FNDC3B: variants seen among roughly 807,000 people sequenced by gnomAD.
The protein encoded by FNDC3B is fibronectin type III domain containing 3B, also known as fibronectin type III domain-containing protein 3B.
In FNDC3B, 12 loss-of-function variants were observed where a neutral mutation model predicts 151.5. That is an observed-to-expected ratio of 0.08 (90% CI 0.05 to 0.13). The LOEUF is 0.13. Among genes scored for constraint, FNDC3B ranks in the 10% least tolerant of loss-of-function variants. FNDC3B has a pLI of 1.00. For synonymous variants in FNDC3B, 528 were observed against 549.0 expected (o/e 0.96, Z 0.54); for missense variants, 1,214 against 1,505.3 (o/e 0.81, Z 3.20).
At chr3:172,295,083 G>A (rs181832138) in intron 7 of FNDC3B, among the ~76,000 whole-genome samples, 10 of 152,180 alleles carry the variant, frequency 6.6e-5, no homozygotes, top group Non-Finnish European at 8.8e-5. Context: ...TTTTACTTAC[G>A]TTAAAAAAAA....
chr3:172,152,628 G>C (rs1722290630), intron 3 of FNDC3B, among the ~76,000 whole-genome samples: 1 of 117,826 alleles, frequency 8.5e-6, no homozygotes, highest in African/African-American at 3.3e-5. Flanking sequence ...AGAAGGTTTT[G>C]ACATTGGGGC....
chr3:172,382,787 G>A (rs1283639945), intron 25 of FNDC3B, among the ~76,000 whole-genome samples: 1 of 152,132 alleles, frequency 6.6e-6, no homozygotes, highest in Non-Finnish European at 1.5e-5. Flanking sequence ...TAGATGTGTG[G>A]TGGTATTTCT....
chr3:172,315,810 T>A (rs1401227782), intron 11 of FNDC3B, among the ~76,000 whole-genome samples: 1 of 152,000 alleles, frequency 6.6e-6, no homozygotes, highest in African/African-American at 2.4e-5. Flanking sequence ...GACTAGATGC[T>A]AGATTTTTCA....
chr3:172,255,133 A>T (rs867980281), intron 6 of FNDC3B, among the ~76,000 whole-genome samples: 1 of 151,918 alleles, frequency 6.6e-6, no homozygotes, highest in Non-Finnish European at 1.5e-5. Flanking sequence ...CCTTCCCTTC[A>T]TGCTCCATTC....
At chr3:172,047,666 G>A (rs183381661) in intron 1 of FNDC3B, among the ~76,000 whole-genome samples, 1 of 152,258 alleles carries the variant, frequency 6.6e-6, no homozygotes, top group East Asian at 1.9e-4. Context: ...ATGCTATTAT[G>A]TGAACTACAA....
chr3:172,341,113 C>T lies in FNDC3B; in HGVS notation c.1853C>T (p.Ala618Val), dbSNP rs139658890. Reference protein sequence around the residue: ...LLEITDGNSEANQWEVAYSGS... With the variant: ...LLEITDGNSEVNQWEVAYSGS... Reference sequence around the variant, plus strand: ...GTCATGCATAAGTCTTGTTTTACAGCGAATCAGTGGGAAGTGGCCTACAGT... The same window carrying T: ...GTCATGCATAAGTCTTGTTTTACAGTGAATCAGTGGGAAGTGGCCTACAGT... Residue 618 changes from alanine to valine, a missense_variant and splice_region_variant, in exon 17 of 26, where the codon GCG becomes GTG. Ala to Val is a moderately conservative substitution (Grantham distance 64). Transcript: ENST00000415807. 52 of 1,605,294 alleles carry T rather than the reference C, an allele frequency of 3.2e-5. No homozygotes were observed. The highest frequency in any genetic ancestry group is 4.2e-5 in the Non-Finnish European group (49 of 1,172,092).
At chr3:172,274,078 C>T (rs535310397) in intron 6 of FNDC3B, among the ~76,000 whole-genome samples, 4 of 152,256 alleles carry the variant, frequency 2.6e-5, no homozygotes, top group South Asian at 4.1e-4. Flanking sequence ...CATTTCTATA[C>T]GTGCGGGAGA....
At chr3:172,081,435 A>G (rs924116512) in intron 1 of FNDC3B, among the ~76,000 whole-genome samples, 1 of 151,874 alleles carries the variant, frequency 6.6e-6, no homozygotes, top group Non-Finnish European at 1.5e-5. Context: ...GATTTTCCAT[A>G]TTTGTGCTTT....
At chr3:172,264,423 T>C (rs967349545) in intron 6 of FNDC3B, among the ~76,000 whole-genome samples, 1 of 152,234 alleles carries the variant, frequency 6.6e-6, no homozygotes, top group African/African-American at 2.4e-5. Context: ...AGAACTTGGT[T>C]TTCTGAACTG....
chr3:172,051,737 G>A (rs1323964772), intron 1 of FNDC3B, among the ~76,000 whole-genome samples: 3 of 152,050 alleles, frequency 2.0e-5, no homozygotes, highest in Non-Finnish European at 2.9e-5. Flanking sequence ...CCTCAAAGTA[G>A]GGAACTAATA....
At position 172,216,050 on chromosome 3, in the gene FNDC3B, G is replaced by A. The variant is rs189598670; in HGVS notation, c.188-10821G>A. Among the ~76,000 whole-genome samples the A allele has an allele frequency of 2.4e-3, 357 of 151,262 alleles. 3 individuals carry two copies. The highest frequency in any genetic ancestry group is 8.4e-3 in the African/African-American group (345 of 40,998). Reference sequence around the variant, plus strand: ...CTCTTCACGCTGTGTGAGAAAGTCCGAGGGCGTCTCGGATGCCCTTCATGT... The same window carrying A: ...CTCTTCACGCTGTGTGAGAAAGTCCAAGGGCGTCTCGGATGCCCTTCATGT... On this transcript the variant is annotated intron_variant, in intron 3 of 25. Coordinates refer to ENST00000415807, the MANE Select transcript of FNDC3B (RefSeq NM_022763.4).
intron 16 of FNDC3B, among the ~76,000 whole-genome samples, chr3:172,340,576 G>A (rs1362045372): frequency 6.6e-6 from 1 of 152,050 alleles, no homozygotes; most frequent in Non-Finnish European, 1.5e-5. Context: ...GTGAGCCACC[G>A]CCTGTAATTT....
chr3:172,307,228 A>T (rs1277687315), intron 9 of FNDC3B, 135 bp from the exon 10 acceptor site: 2 of 880,642 alleles, frequency 2.3e-6, no homozygotes, highest in African/African-American at 3.3e-5. Flanking sequence ...AGACCAACAG[A>T]TAAGAGCAAG....
At position 172,330,676 on chromosome 3, in the gene FNDC3B, A is replaced by G. The variant is rs752551356; in HGVS notation, c.1515A>G (p.Glu505=). The change falls in exon 13 of 26, where the codon GAA becomes GAG. Residue 505 remains glutamate (E), a synonymous_variant. Transcript: ENST00000415807. ...WSKPEGCSPE[E]VITYTLEIQE... ...AGCCAGAAGGCTGTTCACCCGAGGA[A>G]GTGATCACCTACACCTTGGAAATTC... 1.2e-6 allele frequency: 2 copies of G among 1,610,052 alleles called. No individual in the cohort carries two copies. The highest frequency in any genetic ancestry group is 2.2e-5 in the East Asian group (1 of 44,786).
At chr3:172,394,638 C>T (rs1378230291) in intron 25 of FNDC3B, among the ~76,000 whole-genome samples, 1 of 152,160 alleles carries the variant, frequency 6.6e-6, no homozygotes, top group Non-Finnish European at 1.5e-5. Context: ...GGCTTCATGG[C>T]TGAACTCTAC....
Position 172,295,452 on chromosome 3 carries a change from C to T in FNDC3B, c.939C>T (p.Pro313=). ...GACCCCACAGTGGTCTTTCCTTCCC[C>T]TACAGTTACGAGGTGGCCTTATCAG... ...SCGPHSGLSF[P]YSYEVALSDK... is the part of the protein sequence containing the mutation. The change falls in exon 8 of 26, where the codon CCC becomes CCT. Residue 313 remains proline (P), a synonymous_variant. Coordinates refer to ENST00000415807, the MANE Select transcript of FNDC3B (RefSeq NM_022763.4). 1.2e-6 allele frequency: 2 copies of T among 1,614,062 alleles called. No individual in the cohort carries two copies. Among genetic ancestry groups the T allele is most frequent in the Non-Finnish European group, 1.7e-6 (2 of 1,179,900 alleles).
intron 1 of FNDC3B, among the ~76,000 whole-genome samples, chr3:172,054,670 C>T (rs966874999): frequency 6.6e-6 from 1 of 152,198 alleles, no homozygotes; most frequent in Non-Finnish European, 1.5e-5. Flanking sequence ...TCTCCTTTCT[C>T]TCCTGTCTCA....
At chr3:172,160,655 T>C (rs1482369129) in intron 3 of FNDC3B, among the ~76,000 whole-genome samples, 1 of 152,264 alleles carries the variant, frequency 6.6e-6, no homozygotes, top group Non-Finnish European at 1.5e-5. Context: ...GCAAGATTAA[T>C]AGAATAATCT....
chr3:172,247,870 T>C, intron 5 of FNDC3B, 94 bp downstream of exon 5: 2 of 1,391,274 alleles, frequency 1.4e-6, no homozygotes, highest in East Asian at 2.3e-5. Flanking sequence ...GAAATAAGCA[T>C]AGTAGAAAAG....
Sources: gnomAD v4.1 joint callset for allele counts (sites outside exome capture counted in the v4.1 genomes callset) on GRCh38, gnomAD v4.1.1 for gene constraint, MANE v1.5 for transcripts, NCBI Gene and HGNC (gene_info 2026-07-23, HGNC 2026-07-21) for gene names.